RIMS2: variants seen among roughly 807,000 people sequenced by gnomAD.
RIMS2 encodes regulating synaptic membrane exocytosis 2, also known as regulating synaptic membrane exocytosis protein 2.
In RIMS2, 59 loss-of-function variants were observed where a neutral mutation model predicts 174.4. The ratio of observed to expected loss-of-function variants is 0.34; its 90% CI spans 0.27 to 0.42. The LOEUF is 0.42. Ranked by LOEUF, RIMS2 falls within the 10% of genes least tolerant of loss-of-function variation. RIMS2 has a pLI of 1.00. For synonymous variants in RIMS2, 606 were observed against 572.5 expected (o/e 1.06, Z -0.84); for missense variants, 1,620 against 1,666.3 (o/e 0.97, Z 0.48).
chr8:103,517,477 A>G (rs16870445), intron 1 of RIMS2, among the ~76,000 whole-genome samples: 27,299 of 151,548 alleles, frequency 0.18, 2,745 homozygotes, highest in African/African-American at 0.25. Context: ...TGCAGGACTG[A>G]TATTCAATTG....
chr8:104,152,457 T>C (rs554452144), intron 19 of RIMS2, among the ~76,000 whole-genome samples: 1 of 152,284 alleles, frequency 6.6e-6, no homozygotes, highest in African/African-American at 2.4e-5. Context: ...GATTTCAAAC[T>C]TCCAATGGGT....
At chr8:103,857,144 G>A (rs1174939543) in intron 3 of RIMS2, among the ~76,000 whole-genome samples, 1 of 152,056 alleles carries the variant, frequency 6.6e-6, no homozygotes, top group East Asian at 1.9e-4. Flanking sequence ...TACTCAGGAT[G>A]GTTCATGAGT....
intron 14 of RIMS2, among the ~76,000 whole-genome samples, chr8:103,945,087 A>G (rs2083400282): frequency 6.6e-6 from 1 of 152,066 alleles, no homozygotes; most frequent in African/African-American, 2.4e-5. Flanking sequence ...AATTTTAAGT[A>G]TATGTATCAT....
intron 19 of RIMS2, chr8:104,223,344 C>A (rs906687592): frequency 1.1e-5 from 12 of 1,126,302 alleles, no homozygotes; most frequent in Non-Finnish European, 1.3e-5. Context: ...ACTCCAGCAG[C>A]TCCAGCCTCC....
At chr8:103,522,604 C>T (rs1426651116) in intron 1 of RIMS2, among the ~76,000 whole-genome samples, 1 of 152,038 alleles carries the variant, frequency 6.6e-6, no homozygotes, top group Non-Finnish European at 1.5e-5. Flanking sequence ...TTCTTTTTAC[C>T]ACTTACAAAT....
intron 1 of RIMS2, among the ~76,000 whole-genome samples, chr8:103,583,945 ATAT>A (rs2093759462): frequency 6.6e-6 from 1 of 152,314 alleles, no homozygotes; most frequent in Admixed American, 6.5e-5. Flanking sequence ...CTATAGAAAG[ATAT>A]TATATCCAAG....
At chr8:104,019,681 A>G (rs1345380525) in intron 19 of RIMS2, among the ~76,000 whole-genome samples, 8 of 152,188 alleles carry the variant, frequency 5.3e-5, no homozygotes, top group Non-Finnish European at 1.2e-4. Context: ...CTGAATATCT[A>G]CTATCTAACT....
chr8:104,035,125 C>A (rs2096487902), intron 19 of RIMS2, among the ~76,000 whole-genome samples: 1 of 151,960 alleles, frequency 6.6e-6, no homozygotes, highest in Non-Finnish European at 1.5e-5. Context: ...TGATTATGAG[C>A]TTTGATTTGT....
At chr8:103,555,311 A>T (rs1482244125) in intron 1 of RIMS2, among the ~76,000 whole-genome samples, 1 of 152,224 alleles carries the variant, frequency 6.6e-6, no homozygotes. Flanking sequence ...TTAAACCCAC[A>T]AAGATATATT....
At chr8:103,769,326 T>C (rs1272397904) in intron 3 of RIMS2, among the ~76,000 whole-genome samples, 1 of 152,104 alleles carries the variant, frequency 6.6e-6, no homozygotes, top group Non-Finnish European at 1.5e-5. Flanking sequence ...TTTTTGTTTG[T>C]TTGTTTGTTT....
At chr8:103,777,334 C>CA (rs1311200082) in intron 3 of RIMS2, among the ~76,000 whole-genome samples, 1 of 152,008 alleles carries the variant, frequency 6.6e-6, no homozygotes, top group Non-Finnish European at 1.5e-5. Flanking sequence ...AACTCTATCC[C>CA]AGTATCTTGC....
chr8:103,504,827 T>G (rs1195248743), intron 1 of RIMS2, among the ~76,000 whole-genome samples: 1 of 149,072 alleles, frequency 6.7e-6, no homozygotes, highest in African/African-American at 2.5e-5. Flanking sequence ...TTTTTTTCTT[T>G]CTTTTCTTTT....
At chr8:103,545,365 T>C (rs1044638925) in intron 1 of RIMS2, among the ~76,000 whole-genome samples, 2 of 151,732 alleles carry the variant, frequency 1.3e-5, no homozygotes. Flanking sequence ...CTCTGAGAAA[T>C]ATGGGATTAT....
At chr8:104,249,757 GT>G (rs1386622121) in intron 22 of RIMS2, among the ~76,000 whole-genome samples, 169 bp downstream of exon 28, 1 of 152,194 alleles carries the variant, frequency 6.6e-6, no homozygotes, top group Non-Finnish European at 1.5e-5. Flanking sequence ...CTGAATGAGT[GT>G]TCAGTGAGGA....
intron 1 of RIMS2, among the ~76,000 whole-genome samples, chr8:103,630,930 G>T (rs573406913): frequency 1.3e-5 from 2 of 152,252 alleles, no homozygotes; most frequent in African/African-American, 4.8e-5. Flanking sequence ...TTTGAGAAGT[G>T]TCTGTTCATG....
At chr8:103,772,742 G>A (rs1405813667) in intron 3 of RIMS2, among the ~76,000 whole-genome samples, 2 of 151,992 alleles carry the variant, frequency 1.3e-5, no homozygotes, top group East Asian at 1.9e-4. Flanking sequence ...TTGTGGCATT[G>A]GCATAAAGAC....
At chr8:103,794,036 C>T (rs952800864) in intron 3 of RIMS2, among the ~76,000 whole-genome samples, 1 of 151,986 alleles carries the variant, frequency 6.6e-6, no homozygotes, top group Non-Finnish European at 1.5e-5. Flanking sequence ...CAATGCCATC[C>T]CCTTCAAGCT....
intron 3 of RIMS2, among the ~76,000 whole-genome samples, chr8:103,804,219 A>G (rs1380019569): frequency 1.3e-5 from 2 of 152,230 alleles, no homozygotes; most frequent in Non-Finnish European, 2.9e-5. Flanking sequence ...ATATTGAGAT[A>G]TCACACATAC....
intron 1 of RIMS2, among the ~76,000 whole-genome samples, chr8:103,638,483 T>C (rs577543197): frequency 6.6e-6 from 1 of 152,202 alleles, no homozygotes; most frequent in Non-Finnish European, 1.5e-5. Flanking sequence ...TATTTATTTA[T>C]CTATATCAGT....
Sources: allele counts gnomAD v4.1 joint callset (sites outside exome capture counted in the v4.1 genomes callset), GRCh38; gene constraint gnomAD v4.1.1; transcripts MANE v1.5; gene names NCBI Gene and HGNC (gene_info 2026-07-23, HGNC 2026-07-21).